CYB5R3: variants seen among roughly 807,000 people sequenced by gnomAD.
CYB5R3 encodes cytochrome b5 reductase 3, also known as NADH-cytochrome b5 reductase 3.
A neutral mutation model predicts 36.5 loss-of-function variants in CYB5R3; 28 were observed. The ratio of observed to expected loss-of-function variants is 0.77; its 90% CI spans 0.57 to 1.05. CYB5R3 has a LOEUF of 1.05. Ranked by LOEUF, CYB5R3 falls within the 50% of genes least tolerant of loss-of-function variation. The pLI, the probability that CYB5R3 is intolerant of heterozygous loss-of-function variation, is 0.00. For synonymous variants in CYB5R3, 181 were observed against 159.8 expected, an observed-to-expected ratio of 1.13 and a Z score of -1.00; for missense variants, 474 against 408.9, an observed-to-expected ratio of 1.16 and a Z score of -1.37.
At chr22:42,640,990 G>A (rs1929239241) in intron 1 of CYB5R3, among the ~76,000 whole-genome samples, 1 of 151,916 alleles carries the variant, frequency 6.6e-6, no homozygotes, top group Non-Finnish European at 1.5e-5. Context: ...CCGAGTAGCT[G>A]GGATCACAGG....
intron 1 of CYB5R3, chr22:42,644,296 C>A (rs1929431648): frequency 1.5e-6 from 1 of 672,082 alleles, no homozygotes; most frequent in African/African-American, 1.8e-5. Flanking sequence ...GGGGTCCGAA[C>A]CAACAGGCGG....
intron 2 of CYB5R3, among the ~76,000 whole-genome samples, chr22:42,634,212 T>A (rs1486907161): frequency 1.4e-5 from 2 of 142,808 alleles, no homozygotes; most frequent in African/African-American, 2.6e-5. Flanking sequence ...AAAAAAAAAA[T>A]TAGCAGGGCG....
chr22:42,645,190 A>G (rs949065218), intron 1 of CYB5R3, among the ~76,000 whole-genome samples: 4 of 152,214 alleles, frequency 2.6e-5, no homozygotes, highest in African/African-American at 9.7e-5. Context: ...AGTCTCCAGA[A>G]GTGGCCCTGG....
intron 7 of CYB5R3, among the ~76,000 whole-genome samples, chr22:42,624,195 G>A (rs999353807): frequency 2.6e-5 from 4 of 152,234 alleles, no homozygotes; most frequent in Non-Finnish European, 4.4e-5. Context: ...AACTAAAGGC[G>A]GCCAAGCTGC....
At chr22:42,621,463 TCTC>T (rs1174496733) in intron 8 of CYB5R3, among the ~76,000 whole-genome samples, 1 of 152,148 alleles carries the variant, frequency 6.6e-6, no homozygotes, top group Non-Finnish European at 1.5e-5. Flanking sequence ...TCCTTGGGGC[TCTC>T]CTCATCCTTC....
chr22:42,638,501 C>T (rs1412691070), intron 1 of CYB5R3, among the ~76,000 whole-genome samples: 1 of 143,198 alleles, frequency 7.0e-6, no homozygotes, highest in Non-Finnish European at 1.5e-5. Context: ...CCCAGTAGTT[C>T]GCGACCAGCC....
chr22:42,623,713 G>T, intron 8 of CYB5R3, 76 bp downstream of exon 8: 3 of 1,290,790 alleles, frequency 2.3e-6, no homozygotes, highest in Non-Finnish European at 3.4e-6. Flanking sequence ...AAGGCTCAAC[G>T]CCACAAACAG....
At chr22:42,624,403 C>G (rs1290551811) in intron 7 of CYB5R3, among the ~76,000 whole-genome samples, 1 of 152,158 alleles carries the variant, frequency 6.6e-6, no homozygotes, top group Non-Finnish European at 1.5e-5. Flanking sequence ...GTACAGACAC[C>G]ACTCCCCACC....
chr22:42,619,672 T>G lies in CYB5R3; in HGVS notation c.*101A>C. Reference sequence around the variant, plus strand: ...TCACCAGGGCACGGGCAGGCCAGGCTGAACCCGGGGCCCCAGTGTGCGATG... The same window carrying G: ...TCACCAGGGCACGGGCAGGCCAGGCGGAACCCGGGGCCCCAGTGTGCGATG... On this transcript the variant is annotated 3_prime_UTR_variant, in exon 9 of 9. Coordinates refer to ENST00000352397, the MANE Select transcript of CYB5R3 (RefSeq NM_000398.7). The G allele has an allele frequency of 8.1e-7, 1 of 1,229,946 alleles. No homozygotes were observed. The highest frequency in any genetic ancestry group is 1.1e-6 in the Non-Finnish European group (1 of 887,770). 76.2% of individuals were successfully genotyped at this position (1,229,946 alleles called of 1,614,324 possible). A position where few individuals can be genotyped will look rare whatever the true frequency, so the allele number is the denominator to read the frequency against.
At position 42,621,720 on chromosome 22, in the gene CYB5R3, C is replaced by A. The variant is rs549234721; in HGVS notation, c.734-1775G>T. 2.0e-5 allele frequency among the ~76,000 whole-genome samples: 3 copies of A among 152,380 alleles called. No individual in the cohort carries two copies. The East Asian group carries it at 5.8e-4, about 29-fold the overall frequency. On this transcript the variant is annotated intron_variant, in intron 8 of 8. Transcript: ENST00000352397. ...TGCCACCAGGGGTCAGCACTGGCCC[C>A]TCCCTGGGGGACCAGGCCTCGCTCT...
At position 42,628,523 on chromosome 22, in the gene CYB5R3, G is replaced by A. The variant is rs117865837; in HGVS notation, c.334-242C>T. On this transcript the variant is annotated intron_variant, in intron 4 of 8. Transcript: ENST00000352397. Reference sequence around the variant, plus strand: ...CCGGGGAAAGCAAACCACCAGCCTCGTGTACAAGGCCGACCAACTCCAGGG... The same window carrying A: ...CCGGGGAAAGCAAACCACCAGCCTCATGTACAAGGCCGACCAACTCCAGGG... 1.1e-3 allele frequency among the ~76,000 whole-genome samples: 160 copies of A among 152,214 alleles called. No homozygotes were observed. In the East Asian group the frequency reaches 0.023, roughly 22 times the overall value.
Position 42,618,502 on chromosome 22 carries a change from A to G in CYB5R3, c.*1271T>C, listed in dbSNP as rs911837577. 1 of 137,974 alleles carries G rather than the reference A, an allele frequency of 7.2e-6. No individual in the cohort carries two copies. The highest frequency in any genetic ancestry group is 2.9e-5 in the African/African-American group (1 of 34,212). 8.5% of individuals were successfully genotyped at this position (137,974 alleles called of 1,614,324 possible). ...CAGTGAGCCGAGATCCCGCCACTGC[A>G]CTCCAGCCTGGGCGACAGAGCGAGA... is the stretch of plus-strand genomic sequence containing the variant. On this transcript the variant is annotated 3_prime_UTR_variant, in exon 9 of 9. Transcript: ENST00000352397.
At chr22:42,625,846 C>G (rs572894318) in intron 7 of CYB5R3, among the ~76,000 whole-genome samples, 57 of 152,292 alleles carry the variant, frequency 3.7e-4, no homozygotes, top group African/African-American at 1.3e-3. Flanking sequence ...GTATTTTTCA[C>G]TCTTCCTCTC....
intron 1 of CYB5R3, among the ~76,000 whole-genome samples, chr22:42,641,113 C>T (rs1193910720): frequency 1.3e-5 from 2 of 152,308 alleles, no homozygotes; most frequent in South Asian, 4.1e-4. Context: ...CCTCGGCCTC[C>T]CAAAGTGCTG....
chr22:42,648,501 G>A (rs753626116), intron 1 of CYB5R3, among the ~76,000 whole-genome samples: 16 of 152,236 alleles, frequency 1.1e-4, no homozygotes, highest in Non-Finnish European at 2.4e-4. Context: ...CAGCCCAGGA[G>A]TGACAGCAGC....
chr22:42,638,728 T>TTAAAAAAAAAAA (rs1569324852), intron 1 of CYB5R3, among the ~76,000 whole-genome samples: 9 of 47,520 alleles, frequency 1.9e-4, no homozygotes, highest in African/African-American at 8.8e-4. Context: ...CAAGACTCCA[T>TTAAAAAAAAAAA]AAAAAAAAAA....
Position 42,619,656 on chromosome 22 carries a change from C to T in CYB5R3, c.*117G>A. On this transcript the variant is annotated 3_prime_UTR_variant, in exon 9 of 9. Transcript: ENST00000352397. ...TGCTCAGCCAGGTGATTCACCAGGG[C>T]ACGGGCAGGCCAGGCTGAACCCGGG... 1 of 979,136 alleles carries T rather than the reference C, an allele frequency of 1.0e-6. No individual in the cohort carries two copies. 60.7% of individuals were successfully genotyped at this position (979,136 alleles called of 1,614,324 possible).
chr22:42,640,776 A>T lies in CYB5R3; in HGVS notation c.22-3930T>A, dbSNP rs183979068. Among the ~76,000 whole-genome samples, 320 of 152,294 alleles carry T rather than the reference A, an allele frequency of 2.1e-3. 1 individual carries two copies. The highest frequency in any genetic ancestry group is 7.4e-3 in the African/African-American group (307 of 41,576). ...CCTCCTCCTCAGCCTTCTCAACGTG[A>T]GAACAAGGATGAAGACCTTTATGAT... On this transcript the variant is annotated intron_variant, in intron 1 of 8. Transcript: ENST00000352397.
rs1039472406 is a variant in CYB5R3, at chr22:42,618,564, C to G, written c.*1209G>C. 3.7e-5 allele frequency: 5 copies of G among 136,044 alleles called. No individual in the cohort carries two copies. The highest frequency in any genetic ancestry group is 1.5e-4 in the African/African-American group (5 of 33,690). The allele number at this position is 136,044 out of a possible 1,614,324, so 8.4% of individuals were successfully genotyped here. On this transcript the variant is annotated 3_prime_UTR_variant, in exon 9 of 9. Coordinates refer to ENST00000352397, the MANE Select transcript of CYB5R3 (RefSeq NM_000398.7). ...AAAAAAAAAAAAAAAAATACAAAAA[C>G]TAGCTGGGTGTGGTGGTGGGCACTT...
Sources: allele counts gnomAD v4.1 joint callset (sites outside exome capture counted in the v4.1 genomes callset), GRCh38; gene constraint gnomAD v4.1.1; transcripts MANE v1.5; gene names NCBI Gene and HGNC (gene_info 2026-07-23, HGNC 2026-07-21).